The following PPP1R36 variants were observed in gnomAD, a reference collection of about 807,000 sequenced individuals.
PPP1R36 encodes protein phosphatase 1 regulatory subunit 36.
In PPP1R36, 47 loss-of-function variants were observed where a neutral mutation model predicts 53.4. The observed-to-expected ratio is 0.88, with a 90% CI of 0.70 to 1.12. The LOEUF (loss-of-function observed/expected upper bound fraction) is 1.12. Among genes scored for constraint, PPP1R36 ranks in the 50% most tolerant of loss-of-function variants. The pLI is 0.00. For missense variants in PPP1R36, 456 were observed against 513.9 expected (o/e 0.89, Z 1.09); for synonymous variants, 153 against 170.5 (o/e 0.90, Z 0.80).
At position 64,588,292 on chromosome 14, in the gene PPP1R36, C is replaced by T. The variant is rs192248534; in HGVS notation, c.1079C>T (p.Pro360Leu). Residue 360 changes from proline (P) to leucine (L), a missense_variant, in exon 11 of 12, where the codon CCG becomes CTG. Transcript: ENST00000298705. Reference protein sequence around the residue: ...HVGTLDSVPMPVVGILGEPRC... With the variant: ...HVGTLDSVPMLVVGILGEPRC... ...GGAACTCTGGACTCTGTGCCCATGC[C>T]GGTGTAAGTGGCTTGGCAAGAGAAG... is the stretch of plus-strand genomic sequence containing the variant. 114 of 1,600,958 alleles carry T rather than the reference C, an allele frequency of 7.1e-5. No individual in the cohort carries two copies. In the East Asian group the frequency reaches 1.3e-3, roughly 18 times the overall value.
intron 7 of PPP1R36, among the ~76,000 whole-genome samples, chr14:64,571,895 A>C (rs987371217): frequency 3.3e-5 from 5 of 152,128 alleles, no homozygotes; most frequent in Non-Finnish European, 7.4e-5. Context: ...AAACTATCAG[A>C]TCTCATGAAA....
intron 8 of PPP1R36, among the ~76,000 whole-genome samples, chr14:64,576,958 T>C (rs2080346352): frequency 6.6e-6 from 1 of 152,240 alleles, no homozygotes; most frequent in South Asian, 2.1e-4. Flanking sequence ...AGGTCTGCAC[T>C]GAGGCCACAT....
chr14:64,583,055 CTA>C (rs748020243), intron 8 of PPP1R36, among the ~76,000 whole-genome samples: 7,040 of 141,514 alleles, frequency 0.05, 249 homozygotes, highest in Non-Finnish European at 0.077. Context: ...CCACTCCCAG[CTA>C]TATATATATA....
intron 8 of PPP1R36, among the ~76,000 whole-genome samples, chr14:64,576,496 A>G (rs901869747): frequency 6.6e-6 from 1 of 152,202 alleles, no homozygotes; most frequent in Non-Finnish European, 1.5e-5. Flanking sequence ...ATTAGTTTAT[A>G]AAGTTAAAAA....
At chr14:64,559,141 G>A (rs911276824) in intron 3 of PPP1R36, among the ~76,000 whole-genome samples, 1 of 152,152 alleles carries the variant, frequency 6.6e-6, no homozygotes, top group African/African-American at 2.4e-5. Context: ...ATCAGAGGTC[G>A]GGGTTGGAAG....
At chr14:64,553,348 T>C (rs1406893950) in intron 3 of PPP1R36, among the ~76,000 whole-genome samples, 1 of 152,236 alleles carries the variant, frequency 6.6e-6, no homozygotes, top group Non-Finnish European at 1.5e-5. Flanking sequence ...AGTTCGCAGC[T>C]ATCAGTTTCA....
At chr14:64,579,016 G>C (rs145035379) in intron 8 of PPP1R36, among the ~76,000 whole-genome samples, 1 of 152,186 alleles carries the variant, frequency 6.6e-6, no homozygotes, top group Admixed American at 6.5e-5. Context: ...AGCAGAAAAC[G>C]AAATACTGCA....
chr14:64,577,985 A>G (rs2080356921), intron 8 of PPP1R36, among the ~76,000 whole-genome samples: 1 of 150,214 alleles, frequency 6.7e-6, no homozygotes, highest in Non-Finnish European at 1.5e-5. Context: ...TCGGCCTCCC[A>G]AAGTGCTGGG....
intron 7 of PPP1R36, among the ~76,000 whole-genome samples, chr14:64,572,136 T>A (rs1004108053): frequency 6.6e-6 from 1 of 152,312 alleles, no homozygotes; most frequent in East Asian, 1.9e-4. Context: ...CATAAAAGTT[T>A]CCTCCTAATT....
chr14:64,558,129 C>T (rs1333954744), intron 3 of PPP1R36, among the ~76,000 whole-genome samples: 1 of 152,104 alleles, frequency 6.6e-6, no homozygotes, highest in African/African-American at 2.4e-5. Flanking sequence ...CTGGAGAGTT[C>T]TGAGGAGGGC....
rs1435471390 is a variant in PPP1R36 at position 64,588,293 on chromosome 14, G to T, written c.1080G>T (p.Pro360=). Reference sequence around the variant, plus strand: ...GAACTCTGGACTCTGTGCCCATGCCGGTGTAAGTGGCTTGGCAAGAGAAGC... The same window carrying T: ...GAACTCTGGACTCTGTGCCCATGCCTGTGTAAGTGGCTTGGCAAGAGAAGC... ...HVGTLDSVPM[P]VVGILGEPRC... is the part of the protein sequence containing the mutation. The change falls in exon 11 of 12, where the codon CCG becomes CCT. Residue 360 remains proline, a splice_region_variant and synonymous_variant. Coordinates refer to ENST00000298705, the MANE Select transcript of PPP1R36 (RefSeq NM_172365.3). 1.9e-6 allele frequency: 3 copies of T among 1,598,892 alleles called. No homozygotes were observed. The highest frequency in any genetic ancestry group is 1.7e-6 in the Non-Finnish European group (2 of 1,169,782).
chr14:64,579,700 G>A (rs991280734), intron 8 of PPP1R36, among the ~76,000 whole-genome samples: 2 of 152,348 alleles, frequency 1.3e-5, no homozygotes, highest in Non-Finnish European at 2.9e-5. Flanking sequence ...GCCAGGCGCG[G>A]TGGCTCACGC....
chr14:64,558,348 G>A (rs909154167), intron 3 of PPP1R36, among the ~76,000 whole-genome samples: 1 of 152,132 alleles, frequency 6.6e-6, no homozygotes, highest in Non-Finnish European at 1.5e-5. Context: ...AAAGCCTGAG[G>A]TTGAGGGTCG....
chr14:64,565,674 C>A lies in PPP1R36; in HGVS notation c.416C>A (p.Ser139Tyr). The change falls in exon 6 of 12, where the codon TCT (serine) becomes TAT (tyrosine). Residue 139 changes from serine (S) to tyrosine (Y), a missense_variant. Ser to Tyr is a moderately radical substitution (Grantham distance 144). Coordinates refer to ENST00000298705, the MANE Select transcript of PPP1R36 (RefSeq NM_172365.3). ...GATACTGAGATGCAGCGGATCTGTT[C>A]TTTTACAACATTTATGAGGTATCTA... ...LQDTEMQRICSFTTFMRNKNL... is the reference protein window; with the variant it reads ...LQDTEMQRICYFTTFMRNKNL... The A allele has an allele frequency of 3.7e-6, 6 of 1,612,984 alleles. No individual in the cohort carries two copies. The highest frequency in any genetic ancestry group is 5.1e-6 in the Non-Finnish European group (6 of 1,179,030).
At chr14:64,567,373 C>A (rs1009187232) in intron 6 of PPP1R36, among the ~76,000 whole-genome samples, 8 of 152,088 alleles carry the variant, frequency 5.3e-5, no homozygotes, top group Non-Finnish European at 8.8e-5. Context: ...TTTAAAAAAA[C>A]CAAATACCCA....
chr14:64,553,650 CA>C (rs1004090004), intron 3 of PPP1R36, among the ~76,000 whole-genome samples: 1 of 151,698 alleles, frequency 6.6e-6, no homozygotes, highest in East Asian at 1.9e-4. Context: ...TGGTCACCTT[CA>C]GGGGGTTATC....
chr14:64,575,504 T>C (rs1187640660), intron 8 of PPP1R36, among the ~76,000 whole-genome samples: 1 of 152,242 alleles, frequency 6.6e-6, no homozygotes, highest in East Asian at 1.9e-4. Flanking sequence ...TTTTGTGTGT[T>C]ATAATATTTC....
chr14:64,589,161 C>G lies in PPP1R36; in HGVS notation c.1092C>G (p.Ile364Met), dbSNP rs1425291137. The G allele has an allele frequency of 3.7e-6, 6 of 1,611,634 alleles. No individual in the cohort carries two copies. The highest frequency in any genetic ancestry group is 1.7e-5 in the Admixed American group (1 of 59,328). Residue 364 changes from isoleucine (I) to methionine (M), a missense_variant, in exon 12 of 12, where the codon ATC becomes ATG. Ile to Met is a conservative substitution (Grantham distance 10). Coordinates refer to ENST00000298705, the MANE Select transcript of PPP1R36 (RefSeq NM_172365.3). ...LDSVPMPVVG[I>M]LGEPRCLFNP... ...ATAATTCTTTTCACAGAGTTGGCAT[C>G]TTGGGGGAGCCTCGATGTCTATTCA...
At chr14:64,581,416 C>A (rs1744578839) in intron 8 of PPP1R36, among the ~76,000 whole-genome samples, 2 of 152,090 alleles carry the variant, frequency 1.3e-5, no homozygotes. Context: ...TGGTGGGGGT[C>A]TGAGTTTCTG....
Sources: allele counts gnomAD v4.1 joint callset (sites outside exome capture counted in the v4.1 genomes callset), GRCh38; gene constraint gnomAD v4.1.1; transcripts MANE v1.5; gene names NCBI Gene and HGNC (gene_info 2026-07-23, HGNC 2026-07-21).